The following SYNE2 variants were observed in gnomAD, a reference collection of about 807,000 sequenced individuals.
The protein encoded by SYNE2 is nesprin-2.
A neutral mutation model predicts 856.3 loss-of-function variants in SYNE2; 431 were observed. The ratio of observed to expected loss-of-function variants is 0.50; its 90% confidence interval spans 0.47 to 0.55. The LOEUF (loss-of-function observed/expected upper bound fraction) is 0.55. Among genes scored for constraint, SYNE2 ranks in the 20% least tolerant of loss-of-function variants. The pLI is 0.00. For missense variants in SYNE2, 8,129 were observed against 8,023.2 expected, an observed-to-expected ratio of 1.01 and a Z score of -0.50; for synonymous variants, 2,923 against 2,872.3, an observed-to-expected ratio of 1.02 and a Z score of -0.56.
intron 45 of SYNE2, among the ~76,000 whole-genome samples, chr14:64,045,586 C>T (rs1219943549): frequency 6.6e-6 from 1 of 152,174 alleles, no homozygotes; most frequent in African/African-American, 2.4e-5. Flanking sequence ...TTCTTACAGC[C>T]TTCCTGGATC....
intron 96 of SYNE2, among the ~76,000 whole-genome samples, chr14:64,183,951 A>G (rs1012642416): frequency 1.3e-5 from 1 of 77,718 alleles, no homozygotes; most frequent in Non-Finnish European, 2.4e-5. Context: ...ACGTGGAAAG[A>G]AGGGAGAGGG....
chr14:64,107,450 G>A (rs528052833), intron 64 of SYNE2, 41 bp from the exon 65 acceptor site: 1 of 1,552,140 alleles, frequency 6.4e-7, no homozygotes, highest in South Asian at 1.1e-5. Flanking sequence ...TGTGGCACCA[G>A]GGCAGGACCC....
At position 64,127,578 on chromosome 14, in the gene SYNE2, A is replaced by G. The variant is rs145018133; in HGVS notation, c.13917+771A>G. Among the ~76,000 whole-genome samples the G allele has an allele frequency of 3.9e-4, 60 of 152,270 alleles. No individual in the cohort carries two copies. In the East Asian group the frequency reaches 0.011, roughly 28 times the overall value. On this transcript the variant is annotated intron_variant, in intron 73 of 115. Coordinates refer to ENST00000555002, the MANE Select transcript of SYNE2 (RefSeq NM_182914.3). Reference sequence around the variant, plus strand: ...TTTGTTTTTCTAGCTAGAGGGAGCCATTAAGGTTTTTGAGCTAAGGAATGA... The same window carrying G: ...TTTGTTTTTCTAGCTAGAGGGAGCCGTTAAGGTTTTTGAGCTAAGGAATGA...
chr14:64,076,176 C>G (rs2097457188), intron 54 of SYNE2, 76 bp downstream of exon 54: 7 of 1,517,990 alleles, frequency 4.6e-6, no homozygotes, highest in Non-Finnish European at 6.3e-6. Context: ...CATTTAATGT[C>G]AAATTCCATT....
At position 64,010,090 on chromosome 14, in the gene SYNE2, G is replaced by T; in HGVS notation, c.4702G>T (p.Glu1568Ter). 1 of 1,613,494 alleles carries T rather than the reference G, an allele frequency of 6.2e-7. No individual in the cohort carries two copies. The highest frequency in any genetic ancestry group is 1.1e-5 in the South Asian group (1 of 90,934). Reference sequence around the variant, plus strand: ...CCTGCAGGCTTCGTACATGGGAAAGGAGAACCTGAAGAAAAGGATAGCAGA... The same window carrying T: ...CCTGCAGGCTTCGTACATGGGAAAGTAGAACCTGAAGAAAAGGATAGCAGA... ...ISLQASYMGKENLKKRIAEIE... is the reference protein window; with the variant it reads ...ISLQASYMGK The change falls in exon 32 of 116, where the codon GAG becomes TAG. Residue 1568 changes from glutamate to a stop codon, truncating the protein, a stop_gained. Transcript: ENST00000555002. LOFTEE classifies it high-confidence loss of function.
At chr14:63,818,377 G>C (rs1487696355) in intron 1 of SYNE2, among the ~76,000 whole-genome samples, 2 of 150,220 alleles carry the variant, frequency 1.3e-5, no homozygotes, top group African/African-American at 4.9e-5. Context: ...AATTAGTTGG[G>C]CATGGTGACA....
chr14:63,877,897 CT>C (rs1169206732), intron 1 of SYNE2, among the ~76,000 whole-genome samples: 2 of 148,496 alleles, frequency 1.3e-5, no homozygotes, highest in Non-Finnish European at 3.0e-5. Flanking sequence ...TAAGTTAAAA[CT>C]TTTTTTTGAG....
chr14:63,771,361 C>T lies in SYNE2; in HGVS notation c.-305+9375C>T, dbSNP rs527817826. On this transcript the variant is annotated intron_variant, in intron 1 of 23. Coordinates refer to the SYNE2 transcript ENST00000674003. ...CTGGGATTACAAGCGTGAGCCACCG[C>T]GCCCGGCCCCTTATACACTCTTGAT... 1.6e-4 allele frequency among the ~76,000 whole-genome samples: 25 copies of T among 152,146 alleles called. No homozygotes were observed. The South Asian group carries it at 4.6e-3, about 28-fold the overall frequency.
intron 1 of SYNE2, among the ~76,000 whole-genome samples, chr14:63,857,942 T>TACC (rs1892299881): frequency 6.6e-6 from 1 of 152,102 alleles, no homozygotes; most frequent in South Asian, 2.1e-4. Flanking sequence ...TACCATAGAT[T>TACC]GGGTAATTTA....
chr14:63,937,448 A>G (rs1349848850), intron 2 of SYNE2, among the ~76,000 whole-genome samples: 1 of 152,198 alleles, frequency 6.6e-6, no homozygotes, highest in Non-Finnish European at 1.5e-5. Flanking sequence ...TATAGTGTAC[A>G]AGTGAAAGGA....
At position 64,213,012 on chromosome 14, in the gene SYNE2, G is replaced by A. The variant is rs746457153; in HGVS notation, c.19056+7G>A. The stretch of plus-strand genomic sequence containing the variant: ...GCTCACCTCCTGCACTCCGGTACGG[G>A]CACTGCTGCCTAGAAATGGCACCTG... On this transcript the variant is annotated splice_region_variant and intron_variant, in intron 105 of 115. Coordinates refer to ENST00000555002, the MANE Select transcript of SYNE2 (RefSeq NM_182914.3). The A allele has an allele frequency of 6.2e-7, 1 of 1,612,710 alleles. No homozygotes were observed. The highest frequency in any genetic ancestry group is 1.1e-5 in the South Asian group (1 of 91,018).
At chr14:64,065,742 C>A in intron 51 of SYNE2, 92 bp downstream of exon 51, 1 of 1,396,490 alleles carries the variant, frequency 7.2e-7, no homozygotes, top group Non-Finnish European at 9.9e-7. Flanking sequence ...TAAAACGAGT[C>A]CTTAGCCTAT....
At chr14:64,190,717 A>C (rs1025657224) in intron 99 of SYNE2, 13 of 671,298 alleles carry the variant, frequency 1.9e-5, no homozygotes, top group Non-Finnish European at 3.2e-5. Context: ...GTGTGGGCTC[A>C]GAGTGCCAGG....
In SYNE2 at chr14:64,090,940, G is replaced by T. The variant is rs768272629; in HGVS notation, c.11868G>T (p.Leu3956Phe). The T allele has an allele frequency of 1.2e-6, 2 of 1,614,010 alleles. No individual in the cohort carries two copies. Among genetic ancestry groups the T allele is most frequent in the Non-Finnish European group, 1.7e-6 (2 of 1,180,020 alleles). The change falls in exon 60 of 116, where the codon TTG becomes TTT. Residue 3956 changes from leucine to phenylalanine, a missense_variant. Transcript: ENST00000555002. ...EIVSYQVELR[L>F]PQTGMKPLPV... The stretch of plus-strand genomic sequence containing the variant: ...TGTCTTACCAAGTGGAACTGAGGTT[G>T]CCCCAAACAGGAATGAAACCTCTGC...
intron 1 of SYNE2, among the ~76,000 whole-genome samples, chr14:63,899,076 A>G (rs190592569): frequency 1.4e-3 from 208 of 152,324 alleles, no homozygotes; most frequent in Middle Eastern, 3.4e-3. Flanking sequence ...GTCTGTCTCT[A>G]TAAAGTTTGA....
Position 64,175,147 on chromosome 14 carries a change from A to G in SYNE2, c.17430+9A>G. ...TCCAGAGCACTGTAGAGGTAAACTC[A>G]CCACTTACTTTTCCATTCATGATAT... On this transcript the variant is annotated intron_variant, in intron 95 of 115. Transcript: ENST00000555002. 1 of 1,612,458 alleles carries G rather than the reference A, an allele frequency of 6.2e-7. No homozygotes were observed. The highest frequency in any genetic ancestry group is 8.5e-7 in the Non-Finnish European group (1 of 1,178,542).
chr14:63,778,626 C>T (rs1887195214), intron 1 of SYNE2, among the ~76,000 whole-genome samples: 1 of 151,954 alleles, frequency 6.6e-6, no homozygotes, highest in Non-Finnish European at 1.5e-5. Flanking sequence ...GTGATCCTCC[C>T]ACATCAGACT....
chr14:63,955,772 C>T (rs1255517335), intron 8 of SYNE2, among the ~76,000 whole-genome samples: 3 of 152,108 alleles, frequency 2.0e-5, no homozygotes, highest in Admixed American at 6.6e-5. Flanking sequence ...GTTTATGATA[C>T]GCTTTCTTAT....
chr14:63,997,237 C>G, intron 24 of SYNE2, 64 bp from the exon 25 acceptor site: 6 of 1,580,838 alleles, frequency 3.8e-6, no homozygotes, highest in Non-Finnish European at 5.2e-6. Context: ...AAGCGTTAGT[C>G]ATGCTTGTTT....
Sources: allele counts gnomAD v4.1 joint callset (sites outside exome capture counted in the v4.1 genomes callset), GRCh38; gene constraint gnomAD v4.1.1; transcripts MANE v1.5; gene names NCBI Gene and HGNC (gene_info 2026-07-23, HGNC 2026-07-21).